The following ABLIM2 variants were observed in gnomAD, a reference collection of about 807,000 sequenced individuals.
ABLIM2 encodes the protein actin-binding LIM protein 2.
Under a neutral mutation model 97.7 loss-of-function variants are expected in ABLIM2, and 53 were observed. The observed-to-expected ratio is 0.54, with a 90% CI of 0.44 to 0.68. The LOEUF (loss-of-function observed/expected upper bound fraction) is 0.68, where lower values mean the gene tolerates loss of function less well. ABLIM2 is among the 30% of genes least tolerant of loss of function. The probability of loss-of-function intolerance (pLI) is 0.00; values close to 1 mark genes in which losing one functional copy is unlikely to be tolerated. For synonymous variants in ABLIM2, 361 were observed against 345.8 expected (o/e 1.04, Z -0.49); for missense variants, 835 against 867.2 (o/e 0.96, Z 0.47).
Position 7,998,505 on chromosome 4 carries a change from T to C in ABLIM2, c.1619-5578A>G. ...TGCTGCCTGTGGGGATAAAATGCCC[T>C]TCTTGGGGTGTCCTGTGTCGCTGGG... On this transcript the variant is annotated intron_variant, in intron 16 of 20. Coordinates refer to ENST00000447017, the MANE Select transcript of ABLIM2 (RefSeq NM_001130083.2). This position sits in a 1 kb window ranked among gnomAD's most constrained non-coding sequence, Gnocchi z 6.4. The C allele has an allele frequency of 2.3e-6, 1 of 436,476 alleles. No individual in the cohort carries two copies. Among genetic ancestry groups the C allele is most frequent in the Non-Finnish European group, 4.7e-6 (1 of 213,826 alleles). The allele number at this position is 436,476 out of a possible 1,614,324, so 27.0% of individuals were successfully genotyped here.
At position 8,112,822 on chromosome 4, in the gene ABLIM2, C is replaced by T. The variant is rs1456143601; in HGVS notation, c.11-6185G>A. Among the ~76,000 whole-genome samples, 1 of 152,198 alleles carries T rather than the reference C, an allele frequency of 6.6e-6. No individual in the cohort carries two copies. Among genetic ancestry groups the T allele is most frequent in the Non-Finnish European group, 1.5e-5 (1 of 68,028 alleles). On this transcript the variant is annotated intron_variant, in intron 1 of 20. Transcript: ENST00000447017. The surrounding 1 kb of genome is among the most constrained non-coding windows in gnomAD (Gnocchi z 4.2). ...ACGGCTAAGAGACTGAGGCCCAGCT[C>T]AGGTGTGTCCGAGGCTCCTCCTCCC...
chr4:8,072,860 A>C lies in ABLIM2; in HGVS notation c.675+4768T>G, dbSNP rs568819243. Among the ~76,000 whole-genome samples the C allele has an allele frequency of 8.7e-4, 132 of 152,288 alleles. No homozygotes were observed. Among genetic ancestry groups the C allele is most frequent in the African/African-American group, 2.9e-3 (122 of 41,570 alleles). Reference sequence around the variant, plus strand: ...CCTGAGTGGGGAACGCAGGCCCTGCAAGGCCCCTGGGGAAGTAGGGAGGGG... The same window carrying C: ...CCTGAGTGGGGAACGCAGGCCCTGCCAGGCCCCTGGGGAAGTAGGGAGGGG... On this transcript the variant is annotated intron_variant, in intron 6 of 20. Coordinates refer to ENST00000447017, the MANE Select transcript of ABLIM2 (RefSeq NM_001130083.2). The surrounding 1 kb of genome is among the most constrained non-coding windows in gnomAD (Gnocchi z 5.8).
At position 7,999,774 on chromosome 4, in the gene ABLIM2, C is replaced by G. The variant is rs927276891; in HGVS notation, c.1619-6847G>C. 6.6e-6 allele frequency among the ~76,000 whole-genome samples: 1 copy of G among 152,182 alleles called. No homozygotes were observed. Among genetic ancestry groups the G allele is most frequent in the Non-Finnish European group, 1.5e-5 (1 of 68,030 alleles). ...GGCTCTGCAGGCACCAGAGGCCTAC[C>G]CACTCCATGCCCAGGCTCAGCCAAA... On this transcript the variant is annotated intron_variant, in intron 16 of 20. Coordinates refer to ENST00000447017, the MANE Select transcript of ABLIM2 (RefSeq NM_001130083.2). This position sits in a 1 kb window ranked among gnomAD's most constrained non-coding sequence, Gnocchi z 4.4.
intron 3 of ABLIM2, among the ~76,000 whole-genome samples, chr4:8,090,721 A>T (rs60748168): frequency 0.43 from 64,827 of 149,836 alleles, 14,327 homozygotes; most frequent in African/African-American, 0.53. Flanking sequence ...TTTTATTTTT[A>T]TTTTTTTGCG....
At chr4:8,053,954 C>A (rs555756082) in intron 8 of ABLIM2, among the ~76,000 whole-genome samples, 13 of 152,282 alleles carry the variant, frequency 8.5e-5, no homozygotes, top group African/African-American at 3.1e-4. Flanking sequence ...GATTACCTTG[C>A]CTGTGGTATT....
chr4:7,979,024 C>T (rs988224541), intron 20 of ABLIM2, among the ~76,000 whole-genome samples: 1 of 152,320 alleles, frequency 6.6e-6, no homozygotes, highest in South Asian at 2.1e-4. Flanking sequence ...ACTCACTCTG[C>T]GCAGATGCTG....
At chr4:8,080,891 C>T in intron 4 of ABLIM2, 89 bp from the exon 5 acceptor site, 1 of 1,490,986 alleles carries the variant, frequency 6.7e-7, no homozygotes, top group Non-Finnish European at 9.0e-7. Flanking sequence ...GTGAAGGCCC[C>T]TGGGGCAGCC....
intron 7 of ABLIM2, among the ~76,000 whole-genome samples, chr4:8,055,270 G>A (rs893014060): frequency 2.6e-5 from 4 of 152,178 alleles, no homozygotes; most frequent in Non-Finnish European, 5.9e-5. Flanking sequence ...CAGGATCTGG[G>A]GCACTTGCTC....
chr4:7,978,492 T>C (rs1317283), intron 20 of ABLIM2, among the ~76,000 whole-genome samples: 60,930 of 152,118 alleles, frequency 0.4, 12,770 homozygotes, highest in East Asian at 0.52. Flanking sequence ...ATACTACAGT[T>C]CCAAGAGGGT....
chr4:8,118,862 T>G (rs904398643), intron 1 of ABLIM2, among the ~76,000 whole-genome samples: 9 of 152,238 alleles, frequency 5.9e-5, no homozygotes, highest in African/African-American at 1.7e-4. Context: ...TGTGCTGAGC[T>G]CTGCACTGGA....
At chr4:8,135,875 G>A (rs563807464) in intron 1 of ABLIM2, among the ~76,000 whole-genome samples, 96 of 152,314 alleles carry the variant, frequency 6.3e-4, no homozygotes, top group Middle Eastern at 3.4e-3. Context: ...GAGCCAACGT[G>A]GTGAAGAATG....
At position 8,091,330 on chromosome 4, in the gene ABLIM2, TTA is replaced by T. The variant is rs1554069046; in HGVS notation, c.339-3048_339-3047del. On this transcript the variant is annotated intron_variant, in intron 3 of 20. Transcript: ENST00000447017. The stretch of plus-strand genomic sequence containing the variant: ...TTATATATATATAATTATATATATA[TTA>T]TATATATAATATATATATAATTATA... Among the ~76,000 whole-genome samples the T allele has an allele frequency of 1.9e-4, 9 of 46,776 alleles. 1 individual carries two copies. In the South Asian group the frequency reaches 2.3e-3, roughly 12 times the overall value. 30.7% of individuals were successfully genotyped at this position (46,776 alleles called of 152,430 possible). A position where few individuals can be genotyped will look rare whatever the true frequency, so the allele number is the denominator to read the frequency against.
Position 8,127,566 on chromosome 4 carries a change from C to G in ABLIM2, c.11-20929G>C, listed in dbSNP as rs1290673976. 2.3e-6 allele frequency: 3 copies of G among 1,289,682 alleles called. No individual in the cohort carries two copies. In the African/African-American group the frequency reaches 4.6e-5, roughly 20 times the overall value. 79.9% of individuals were successfully genotyped at this position (1,289,682 alleles called of 1,614,324 possible). A position where few individuals can be genotyped will look rare whatever the true frequency, so the allele number is the denominator to read the frequency against. Reference sequence around the variant, plus strand: ...ATTTACCTGTGTCTCCCCCTGGCACCCCCATGGAGCGTGGCTGCTTGCAAA... The same window carrying G: ...ATTTACCTGTGTCTCCCCCTGGCACGCCCATGGAGCGTGGCTGCTTGCAAA... On this transcript the variant is annotated intron_variant, in intron 1 of 20. Coordinates refer to ENST00000447017, the MANE Select transcript of ABLIM2 (RefSeq NM_001130083.2). The surrounding 1 kb of genome is among the most constrained non-coding windows in gnomAD (Gnocchi z 7.3).
intron 1 of ABLIM2, among the ~76,000 whole-genome samples, chr4:8,116,695 A>G (rs1185143256): frequency 6.6e-6 from 1 of 152,228 alleles, no homozygotes; most frequent in Non-Finnish European, 1.5e-5. Flanking sequence ...TTCTTAAGCA[A>G]AATAAGGATT....
intron 1 of ABLIM2, among the ~76,000 whole-genome samples, chr4:8,152,505 T>C (rs1338727878): frequency 1.3e-5 from 2 of 152,236 alleles, no homozygotes; most frequent in Non-Finnish European, 2.9e-5. Context: ...CATTTAAGCC[T>C]GTCCCACCTG....
At chr4:8,091,813 T>A (rs186237942) in intron 3 of ABLIM2, among the ~76,000 whole-genome samples, 2 of 68,992 alleles carry the variant, frequency 2.9e-5, no homozygotes, top group East Asian at 4.0e-4. Flanking sequence ...TATTATATAT[T>A]ATATAATATA....
At chr4:8,092,856 A>T (rs1829583954) in intron 3 of ABLIM2, among the ~76,000 whole-genome samples, 1 of 151,966 alleles carries the variant, frequency 6.6e-6, no homozygotes, top group South Asian at 2.1e-4. Context: ...CATTTTTTTA[A>T]AAGTTTTTTT....
intron 2 of ABLIM2, among the ~76,000 whole-genome samples, chr4:8,100,981 G>A (rs1023891997): frequency 6.6e-5 from 10 of 152,270 alleles, no homozygotes; most frequent in East Asian, 1.9e-4. Context: ...TCAGGTATAC[G>A]GCATGCCTTC....
intron 1 of ABLIM2, among the ~76,000 whole-genome samples, chr4:8,133,842 A>G (rs1008805674): frequency 9.8e-5 from 15 of 152,346 alleles, no homozygotes; most frequent in African/African-American, 3.1e-4. Context: ...TGGCTGGGCT[A>G]GTTAGGCAGT....
Sources: gnomAD v4.1 joint callset for allele counts (sites outside exome capture counted in the v4.1 genomes callset) on GRCh38, gnomAD v4.1.1 for gene constraint, Gnocchi (gnomAD v3.1) non-coding constraint, MANE v1.5 for transcripts, NCBI Gene and HGNC (gene_info 2026-07-23, HGNC 2026-07-21) for gene names.